Variants in KCNT2 observed in about 807,000 individuals in gnomAD.
KCNT2 encodes the protein potassium sodium-activated channel subfamily T member 2, also known as potassium channel subfamily T member 2.
KCNT2 carries 67 observed loss-of-function variants against 153.8 expected under a neutral mutation model. The ratio of observed to expected loss-of-function variants is 0.44; its 90% CI spans 0.36 to 0.53. KCNT2 has a LOEUF of 0.53. Among genes scored for constraint, KCNT2 ranks in the 20% least tolerant of loss-of-function variants. The probability of loss-of-function intolerance (pLI) is 0.00; values close to 1 mark genes in which losing one functional copy is unlikely to be tolerated. For synonymous variants in KCNT2, 500 were observed against 458.8 expected, an observed-to-expected ratio of 1.09 and a Z score of -1.15; for missense variants, 975 against 1,354.8, an observed-to-expected ratio of 0.72 and a Z score of 4.40.
At chr1:196,559,010 A>C (rs1659047125) in intron 1 of KCNT2, among the ~76,000 whole-genome samples, 1 of 151,400 alleles carries the variant, frequency 6.6e-6, no homozygotes. Flanking sequence ...AGAAAGTCAC[A>C]CCTAAATTTG....
chr1:196,484,080 A>C (rs1036078141), intron 3 of KCNT2, among the ~76,000 whole-genome samples: 3 of 152,194 alleles, frequency 2.0e-5, no homozygotes, highest in African/African-American at 7.2e-5. Flanking sequence ...CACAAAAGTT[A>C]CTATATTGTC....
chr1:196,514,114 A>C (rs1483336709), intron 1 of KCNT2, among the ~76,000 whole-genome samples: 2 of 152,204 alleles, frequency 1.3e-5, no homozygotes, highest in African/African-American at 4.8e-5. Flanking sequence ...GGCTTTACTT[A>C]GATCTAAAAT....
chr1:196,600,086 T>TTCTA (rs1664547674), intron 1 of KCNT2, among the ~76,000 whole-genome samples: 3 of 152,338 alleles, frequency 2.0e-5, no homozygotes, highest in Admixed American at 2.0e-4. Flanking sequence ...AGTCAGCTTG[T>TTCTA]TCTAGTTGTA....
intron 12 of KCNT2, among the ~76,000 whole-genome samples, chr1:196,421,984 T>G (rs1673247645): frequency 6.6e-6 from 1 of 152,080 alleles, no homozygotes; most frequent in Admixed American, 6.6e-5. Context: ...CCTAATGGTC[T>G]CATTATAAAT....
rs1381695637 is a variant in KCNT2 at position 196,541,866 on chromosome 1, T to A, written c.96-49525A>T. 2.6e-5 allele frequency among the ~76,000 whole-genome samples: 4 copies of A among 152,142 alleles called. No individual in the cohort carries two copies. The East Asian group carries it at 7.7e-4, about 29-fold the overall frequency. On this transcript the variant is annotated intron_variant, in intron 1 of 27. Transcript: ENST00000294725. ...ATTATATATTGATTAGTAATATATT[T>A]AAATATACCACCTATTCAATTATTA...
At chr1:196,365,227 T>G (rs1667939506) in intron 14 of KCNT2, among the ~76,000 whole-genome samples, 1 of 152,154 alleles carries the variant, frequency 6.6e-6, no homozygotes, top group Non-Finnish European at 1.5e-5. Flanking sequence ...ACCTATATTT[T>G]AATCTTTATG....
chr1:196,261,137 C>T (rs1656987567), intron 25 of KCNT2, among the ~76,000 whole-genome samples: 1 of 151,666 alleles, frequency 6.6e-6, no homozygotes, highest in Admixed American at 6.6e-5. Context: ...TTTAAACATG[C>T]CATCATAATC....
chr1:196,286,663 A>G (rs142497222), intron 22 of KCNT2, among the ~76,000 whole-genome samples: 1 of 150,774 alleles, frequency 6.6e-6, no homozygotes. Flanking sequence ...ACACACACAC[A>G]CGTTGTTTAT....
At chr1:196,515,669 G>T (rs1219593275) in intron 1 of KCNT2, among the ~76,000 whole-genome samples, 1 of 152,180 alleles carries the variant, frequency 6.6e-6, no homozygotes, top group South Asian at 2.1e-4. Flanking sequence ...AGCAGCTACT[G>T]TGTGCCACTC....
intron 1 of KCNT2, among the ~76,000 whole-genome samples, chr1:196,595,041 AT>A (rs1663875478): frequency 6.6e-6 from 1 of 152,098 alleles, no homozygotes; most frequent in Non-Finnish European, 1.5e-5. Context: ...CGAGTTAAGC[AT>A]TGAAGATTAT....
At chr1:196,471,312 G>A (rs931608633) in intron 5 of KCNT2, among the ~76,000 whole-genome samples, 2 of 152,134 alleles carry the variant, frequency 1.3e-5, no homozygotes, top group African/African-American at 4.8e-5. Flanking sequence ...ATGAGACAGA[G>A]GATGCACGGT....
chr1:196,374,534 C>T (rs1668791547), intron 13 of KCNT2, among the ~76,000 whole-genome samples: 1 of 151,716 alleles, frequency 6.6e-6, no homozygotes, highest in Non-Finnish European at 1.5e-5. Flanking sequence ...AATCTCTCTC[C>T]CCACACCCAC....
intron 13 of KCNT2, among the ~76,000 whole-genome samples, chr1:196,379,167 A>C (rs936693030): frequency 6.6e-6 from 1 of 152,224 alleles, no homozygotes; most frequent in Non-Finnish European, 1.5e-5. Flanking sequence ...GCAAAAGCAC[A>C]GCTTTGATTA....
chr1:196,398,127 C>A (rs1003694477), intron 13 of KCNT2, among the ~76,000 whole-genome samples: 10 of 151,326 alleles, frequency 6.6e-5, no homozygotes, highest in Non-Finnish European at 1.5e-4. Flanking sequence ...TTTACATATA[C>A]CTGAATACAT....
intron 13 of KCNT2, among the ~76,000 whole-genome samples, chr1:196,388,461 TA>T (rs1379357014): frequency 6.6e-6 from 1 of 151,664 alleles, no homozygotes; most frequent in African/African-American, 2.4e-5. Flanking sequence ...AGTTGAAACG[TA>T]TTGAATCTGT....
intron 1 of KCNT2, among the ~76,000 whole-genome samples, chr1:196,509,934 G>A (rs1483710802): frequency 6.6e-6 from 1 of 152,108 alleles, no homozygotes; most frequent in Non-Finnish European, 1.5e-5. Context: ...TCCATGTTCT[G>A]CCAATAAGTA....
At chr1:196,469,133 G>C (rs1677865900) in intron 5 of KCNT2, 65 bp from the exon 6 acceptor site, 1 of 883,648 alleles carries the variant, frequency 1.1e-6, no homozygotes, top group African/African-American at 1.7e-5. Context: ...GGGGGAAAAA[G>C]ACAGCACTTA....
intron 1 of KCNT2, among the ~76,000 whole-genome samples, chr1:196,543,999 C>T (rs1572777072): frequency 1.3e-5 from 2 of 152,094 alleles, no homozygotes; most frequent in Non-Finnish European, 1.5e-5. Context: ...GGTTTGCTTC[C>T]GTGGGTGACT....
rs368822019 is a variant in KCNT2 at position 196,274,995 on chromosome 1, C to A, written c.2910+5865G>T. On this transcript the variant is annotated intron_variant, in intron 25 of 27. Coordinates refer to ENST00000294725, the MANE Select transcript of KCNT2 (RefSeq NM_198503.5). ...AATACCCCCAGTGGAACCTAGGTAG[C>A]CTTCATTTTCAAAAATTAATATTTC... is the stretch of plus-strand genomic sequence containing the variant. Among the ~76,000 whole-genome samples the A allele has an allele frequency of 1.2e-3, 177 of 151,828 alleles. 1 individual carries two copies. In the South Asian group the frequency reaches 0.024, roughly 21 times the overall value.
Sources: gnomAD v4.1 joint callset for allele counts (sites outside exome capture counted in the v4.1 genomes callset) on GRCh38, gnomAD v4.1.1 for gene constraint, MANE v1.5 for transcripts, NCBI Gene and HGNC (gene_info 2026-07-23, HGNC 2026-07-21) for gene names.